PIEZO2: variants seen among roughly 807,000 people sequenced by gnomAD.
PIEZO2 encodes piezo type mechanosensitive ion channel component 2, also known as piezo-type mechanosensitive ion channel component 2.
PIEZO2 carries 172 observed loss-of-function variants against 337.3 expected under a neutral mutation model. That is an observed-to-expected ratio of 0.51 (90% CI 0.45 to 0.58). The LOEUF (loss-of-function observed/expected upper bound fraction) is 0.58. Ranked by LOEUF, PIEZO2 falls within the 20% of genes least tolerant of loss-of-function variation. The pLI, the probability that PIEZO2 is intolerant of heterozygous loss-of-function variation, is 0.00. For missense variants in PIEZO2, 3,028 were observed against 3,391.3 expected, an observed-to-expected ratio of 0.89 and a Z score of 2.66; for synonymous variants, 1,251 against 1,228.5, an observed-to-expected ratio of 1.02 and a Z score of -0.38.
intron 7 of PIEZO2, among the ~76,000 whole-genome samples, chr18:10,818,917 A>G (rs2040441860): frequency 6.6e-6 from 1 of 152,228 alleles, no homozygotes; most frequent in African/African-American, 2.4e-5. Context: ...TAATGGAAAC[A>G]GGAATAAAAA....
chr18:10,912,552 G>T (rs1254885452), intron 3 of PIEZO2, among the ~76,000 whole-genome samples: 3 of 152,148 alleles, frequency 2.0e-5, no homozygotes, highest in Non-Finnish European at 2.9e-5. Flanking sequence ...CAGCTAAAAG[G>T]CAGCTGAAAA....
In PIEZO2 at chr18:10,768,319, G is replaced by A. The variant is rs75733464; in HGVS notation, c.2946+1829C>T. 4.1e-3 allele frequency among the ~76,000 whole-genome samples: 620 copies of A among 152,310 alleles called. 6 individuals carry two copies. The highest frequency in any genetic ancestry group is 0.014 in the African/African-American group (591 of 41,568). Reference sequence around the variant, plus strand: ...CAGGGACACGGAGGAAAGTTTCCCTGTAGGATGCATTCTAAAGGGACCATG... The same window carrying A: ...CAGGGACACGGAGGAAAGTTTCCCTATAGGATGCATTCTAAAGGGACCATG... On this transcript the variant is annotated intron_variant, in intron 21 of 55. Transcript: ENST00000674853.
intron 4 of PIEZO2, among the ~76,000 whole-genome samples, chr18:10,902,896 T>C (rs2043084611): frequency 6.6e-6 from 1 of 152,082 alleles, no homozygotes; most frequent in Admixed American, 6.6e-5. Context: ...TATAGAAAGT[T>C]TCTAGGAAGC....
At chr18:10,924,561 G>A (rs558337540) in intron 3 of PIEZO2, among the ~76,000 whole-genome samples, 10 of 152,128 alleles carry the variant, frequency 6.6e-5, no homozygotes, top group Admixed American at 2.6e-4. Flanking sequence ...GTGTGCTAAG[G>A]ACACAAAATG....
At position 10,718,515 on chromosome 18, in the gene PIEZO2, T is replaced by G. The variant is rs28735699; in HGVS notation, c.5030-256A>C. ...CGGCCAGTACTCGTGGGCTGACTGT[T>G]GCCAAATGGCCTGTGAGTTCAGAAT... is the stretch of plus-strand genomic sequence containing the variant. On this transcript the variant is annotated intron_variant, in intron 36 of 55. Coordinates refer to ENST00000674853, the MANE Select transcript of PIEZO2 (RefSeq NM_001378183.1). 0.045 allele frequency among the ~76,000 whole-genome samples: 6,880 copies of G among 152,254 alleles called. 512 individuals carry two copies. The highest frequency in any genetic ancestry group is 0.16 in the African/African-American group (6,517 of 41,510).
In PIEZO2 at chr18:10,981,647, G is replaced by T. The variant is rs373489437; in HGVS notation, c.161-1987C>A. ...AGGATTCAAAATATTGTTCCTGAGC[G>T]TGTCTGTGAGAATGTTGCCAAACGA... On this transcript the variant is annotated intron_variant, in intron 2 of 55. Transcript: ENST00000674853. Among the ~76,000 whole-genome samples the T allele has an allele frequency of 9.5e-4, 145 of 152,268 alleles. 1 individual carries two copies. The highest frequency in any genetic ancestry group is 3.3e-3 in the African/African-American group (139 of 41,556).
intron 2 of PIEZO2, among the ~76,000 whole-genome samples, chr18:11,015,744 T>C (rs1214806672): frequency 6.6e-6 from 1 of 152,162 alleles, no homozygotes; most frequent in Non-Finnish European, 1.5e-5. Context: ...CTGGTATTTA[T>C]ACTTAAGATC....
rs753582696 is a variant in PIEZO2 at position 10,899,293 on chromosome 18, TTG to T, written c.329+11891_329+11892del. Among the ~76,000 whole-genome samples, 3 of 151,744 alleles carry T rather than the reference TTG, an allele frequency of 2.0e-5. No individual in the cohort carries two copies. The highest frequency in any genetic ancestry group is 4.8e-5 in the African/African-American group (2 of 41,410). ...TCTGTGTAAACTTAGGAAGGTGTGT[TTG>T]TGTGTGTGTGTGTAGAGGTATATCA... On this transcript the variant is annotated intron_variant, in intron 4 of 55. Coordinates refer to ENST00000674853, the MANE Select transcript of PIEZO2 (RefSeq NM_001378183.1). The surrounding 1 kb of genome is among the most constrained non-coding windows in gnomAD (Gnocchi z 4.6).
chr18:11,089,456 G>C (rs1568364247), intron 1 of PIEZO2, among the ~76,000 whole-genome samples: 1 of 152,090 alleles, frequency 6.6e-6, no homozygotes, highest in South Asian at 2.1e-4. Flanking sequence ...AGTGATGACA[G>C]GTAATGTGCC....
intron 32 of PIEZO2, 60 bp downstream of exon 32, chr18:10,742,434 T>C: frequency 6.6e-7 from 1 of 1,510,916 alleles, no homozygotes; most frequent in Non-Finnish European, 8.9e-7. Flanking sequence ...ACAGCCCTGC[T>C]CAATATCATG....
rs377146802 is a variant in PIEZO2, at chr18:11,011,953, C to T, written c.161-32293G>A. Reference sequence around the variant, plus strand: ...CTATGATCACATAACTGCACTTCTGCCTCGGCAAGAGAGCAAGATCCTAAT... The same window carrying T: ...CTATGATCACATAACTGCACTTCTGTCTCGGCAAGAGAGCAAGATCCTAAT... On this transcript the variant is annotated intron_variant, in intron 2 of 55. Coordinates refer to ENST00000674853, the MANE Select transcript of PIEZO2 (RefSeq NM_001378183.1). Among the ~76,000 whole-genome samples the T allele has an allele frequency of 2.0e-5, 3 of 152,240 alleles. No individual in the cohort carries two copies. In the South Asian group the frequency reaches 6.2e-4, roughly 32 times the overall value.
Position 10,759,859 on chromosome 18 carries a change from A to G in PIEZO2, c.3501T>C (p.Tyr1167=), listed in dbSNP as rs1293034516. Residue 1167 remains tyrosine, a synonymous_variant, in exon 25 of 56, where the codon TAT becomes TAC. Coordinates refer to ENST00000674853, the MANE Select transcript of PIEZO2 (RefSeq NM_001378183.1). The surrounding 1 kb of genome is among the most constrained non-coding windows in gnomAD (Gnocchi z 5.5). ...VNVIGQRMDF[Y]AMIHACWLIA... ...TCAGCCAGCAGGCGTGGATCATGGC[A>G]TAGAAATCCATTCGCTGGCCAATGA... 1 of 1,537,546 alleles carries G rather than the reference A, an allele frequency of 6.5e-7. No homozygotes were observed. Among genetic ancestry groups the G allele is most frequent in the East Asian group, 2.4e-5 (1 of 40,926 alleles).
chr18:11,098,839 C>A (rs182586529), intron 1 of PIEZO2, among the ~76,000 whole-genome samples: 173 of 151,856 alleles, frequency 1.1e-3, no homozygotes, highest in Non-Finnish European at 2.0e-3. Flanking sequence ...ACTCTGTCAC[C>A]CAGGCTGCAG....
Position 11,127,577 on chromosome 18 carries a change from A to G in PIEZO2, c.64+20948T>C, listed in dbSNP as rs539408978. On this transcript the variant is annotated intron_variant, in intron 1 of 55. Coordinates refer to ENST00000674853, the MANE Select transcript of PIEZO2 (RefSeq NM_001378183.1). The surrounding 1 kb of genome is among the most constrained non-coding windows in gnomAD (Gnocchi z 4.5). ...TCCTGCCCTCGAACATCAGGCTCCAAGTTCTTCAGTTTCGAGACTCAGACT... is the reference window on the plus strand; with the variant it reads ...TCCTGCCCTCGAACATCAGGCTCCAGGTTCTTCAGTTTCGAGACTCAGACT... Among the ~76,000 whole-genome samples, 16 of 152,116 alleles carry G rather than the reference A, an allele frequency of 1.1e-4. No individual in the cohort carries two copies. The highest frequency in any genetic ancestry group is 3.9e-4 in the African/African-American group (16 of 41,482).
chr18:10,724,385 C>T lies in PIEZO2; in HGVS notation c.5030-6126G>A, dbSNP rs181395708. ...AAAAACAAAAACGAAAACAAAAGTG[C>T]TTTCTCCTGGCCCAGCATACTTGGG... On this transcript the variant is annotated intron_variant, in intron 36 of 55. Coordinates refer to ENST00000674853, the MANE Select transcript of PIEZO2 (RefSeq NM_001378183.1). The surrounding 1 kb of genome is among the most constrained non-coding windows in gnomAD (Gnocchi z 5.8). Among the ~76,000 whole-genome samples, 18 of 152,124 alleles carry T rather than the reference C, an allele frequency of 1.2e-4. No individual in the cohort carries two copies. The highest frequency in any genetic ancestry group is 3.9e-4 in the African/African-American group (16 of 41,410).
intron 7 of PIEZO2, among the ~76,000 whole-genome samples, chr18:10,818,863 C>G (rs1043966479): frequency 1.1e-4 from 17 of 152,274 alleles, no homozygotes; most frequent in African/African-American, 4.1e-4. Context: ...ATTTCATAGT[C>G]TCATTTTCAG....
chr18:10,709,351 T>C (rs1389414013), intron 39 of PIEZO2: 1 of 152,200 alleles, frequency 6.6e-6, no homozygotes, highest in Non-Finnish European at 1.5e-5. Flanking sequence ...ACACGCATAG[T>C]TTCAGTTCCC....
Position 11,084,512 on chromosome 18 carries a change from G to A in PIEZO2, c.65-18290C>T, listed in dbSNP as rs12457650. Among the ~76,000 whole-genome samples the A allele has an allele frequency of 1.9e-3, 292 of 152,202 alleles. 3 individuals carry two copies. The highest frequency in any genetic ancestry group is 5.8e-3 in the Admixed American group (89 of 15,292). ...GCCAGAATGCAAAGCTCCAGCCCTC[G>A]CCATGGAGGCCCCCTTTCCTCACCT... On this transcript the variant is annotated intron_variant, in intron 1 of 55. Transcript: ENST00000674853.
At chr18:10,831,348 A>G (rs1287428352) in intron 7 of PIEZO2, among the ~76,000 whole-genome samples, 1 of 152,344 alleles carries the variant, frequency 6.6e-6, no homozygotes, top group East Asian at 1.9e-4. Context: ...AACCATAAAA[A>G]AGAATGAGAT....
Sources: gnomAD v4.1 joint callset for allele counts (sites outside exome capture counted in the v4.1 genomes callset) on GRCh38, gnomAD v4.1.1 for gene constraint, Gnocchi (gnomAD v3.1) non-coding constraint, MANE v1.5 for transcripts, NCBI Gene and HGNC (gene_info 2026-07-23, HGNC 2026-07-21) for gene names.